The following DPP10 variants were observed in gnomAD, a reference collection of about 807,000 sequenced individuals.
The protein encoded by DPP10 is dipeptidyl peptidase like 10, also known as inactive dipeptidyl peptidase 10.
A neutral mutation model predicts 120.9 loss-of-function variants in DPP10; 33 were observed. That is an observed-to-expected ratio of 0.27 (90% CI 0.21 to 0.37). The LOEUF (loss-of-function observed/expected upper bound fraction) is 0.37. DPP10 is among the 10% of genes least tolerant of loss of function. The probability of loss-of-function intolerance (pLI) is 1.00; values close to 1 mark genes in which losing one functional copy is unlikely to be tolerated. For synonymous variants in DPP10, 337 were observed against 326.1 expected (o/e 1.03, Z -0.36); for missense variants, 816 against 942.8 (o/e 0.87, Z 1.76).
intron 1 of DPP10, among the ~76,000 whole-genome samples, chr2:115,251,760 A>G (rs2058762703): frequency 6.6e-6 from 1 of 152,218 alleles, no homozygotes; most frequent in Non-Finnish European, 1.5e-5. Context: ...GGCAGTGAGG[A>G]GTCATAAATA....
At chr2:115,222,613 C>T (rs1421738880) in intron 1 of DPP10, among the ~76,000 whole-genome samples, 2 of 151,962 alleles carry the variant, frequency 1.3e-5, no homozygotes, top group African/African-American at 4.8e-5. Flanking sequence ...TGCAAATTGC[C>T]CAGTCTGGGA....
At chr2:114,516,191 A>G (rs947112565) in intron 1 of DPP10, among the ~76,000 whole-genome samples, 2 of 152,160 alleles carry the variant, frequency 1.3e-5, no homozygotes, top group African/African-American at 4.8e-5. Context: ...GAGTCCCTAG[A>G]ACTGTTGCAT....
chr2:115,265,377 TTATTA>T (rs1406824800), intron 1 of DPP10, among the ~76,000 whole-genome samples: 1 of 151,746 alleles, frequency 6.6e-6, no homozygotes, highest in East Asian at 1.9e-4. Flanking sequence ...TAATAAACAG[TTATTA>T]TTAGGCACTC....
intron 1 of DPP10, chr2:115,234,421 G>T (rs2057895530): frequency 6.5e-6 from 1 of 154,874 alleles, no homozygotes; most frequent in African/African-American, 2.4e-5. Context: ...AGAAGGTAAA[G>T]ACTAATAAAC....
chr2:114,681,492 A>G (rs1699021942), intron 1 of DPP10, among the ~76,000 whole-genome samples: 2 of 151,972 alleles, frequency 1.3e-5, no homozygotes, highest in South Asian at 4.1e-4. Context: ...CATGAGGAAA[A>G]AAAAGAATTG....
At chr2:115,838,996 A>G (rs554543420) in intron 24 of DPP10, among the ~76,000 whole-genome samples, 1 of 152,352 alleles carries the variant, frequency 6.6e-6, no homozygotes, top group East Asian at 1.9e-4. Context: ...AGCAACAAAT[A>G]TCAATGGACT....
chr2:114,655,706 T>C (rs975756659), intron 1 of DPP10, among the ~76,000 whole-genome samples: 2 of 152,266 alleles, frequency 1.3e-5, no homozygotes, highest in East Asian at 1.9e-4. Flanking sequence ...GCATTCAGCT[T>C]ACATAATTAA....
intron 1 of DPP10, among the ~76,000 whole-genome samples, chr2:115,158,907 T>C (rs944371798): frequency 1.3e-5 from 2 of 152,132 alleles, no homozygotes; most frequent in Admixed American, 6.5e-5. Flanking sequence ...ACTATGTGCA[T>C]GTAAAACTAG....
intron 1 of DPP10, among the ~76,000 whole-genome samples, chr2:114,805,982 C>T (rs890651448): frequency 6.6e-6 from 1 of 152,168 alleles, no homozygotes; most frequent in African/African-American, 2.4e-5. Context: ...GGCTCAAAAC[C>T]TGGCTGAGTG....
chr2:115,349,429 A>G (rs2063880755), intron 3 of DPP10, among the ~76,000 whole-genome samples: 1 of 152,138 alleles, frequency 6.6e-6, no homozygotes, highest in Admixed American at 6.6e-5. Flanking sequence ...AAAAATATGT[A>G]AAAAGTGAAG....
At chr2:115,541,772 C>G (rs908001783) in intron 5 of DPP10, among the ~76,000 whole-genome samples, 2 of 151,662 alleles carry the variant, frequency 1.3e-5, no homozygotes, top group African/African-American at 4.8e-5. Context: ...ATGGATATAG[C>G]ACAGAACAAA....
intron 1 of DPP10, among the ~76,000 whole-genome samples, chr2:115,099,954 G>A (rs923442123): frequency 1.3e-5 from 2 of 152,226 alleles, no homozygotes; most frequent in Admixed American, 6.5e-5. Flanking sequence ...GTAGTAAGCA[G>A]TCTTTAGTCC....
At chr2:114,472,001 G>A (rs557975624) in intron 1 of DPP10, among the ~76,000 whole-genome samples, 56 of 152,296 alleles carry the variant, frequency 3.7e-4, no homozygotes, top group African/African-American at 1.2e-3. Context: ...AGTAAACTTC[G>A]ATTTCACTCA....
intron 11 of DPP10, among the ~76,000 whole-genome samples, chr2:115,758,965 A>C (rs1278335104): frequency 1.3e-5 from 2 of 152,216 alleles, no homozygotes; most frequent in Non-Finnish European, 1.5e-5. Flanking sequence ...AAGAGCTAAT[A>C]CTGTCAGTGT....
chr2:114,858,078 CTCCCGGGT>C (rs982214243), intron 1 of DPP10, among the ~76,000 whole-genome samples: 1 of 152,172 alleles, frequency 6.6e-6, no homozygotes, highest in African/African-American at 2.4e-5. Flanking sequence ...TAACCTCCAC[CTCCCGGGT>C]TCAAGCAGTT....
rs115217804 is a variant in DPP10, at chr2:114,617,385, A to T, written c.60+174547A>T. On this transcript the variant is annotated intron_variant, in intron 1 of 25. Coordinates refer to ENST00000410059, the MANE Select transcript of DPP10 (RefSeq NM_020868.6). ...TTTATAGCTTATATGTAAATAATTG[A>T]CTTGAAATTACATAAAAACAGATAC... 8.1e-3 allele frequency among the ~76,000 whole-genome samples: 1,227 copies of T among 152,294 alleles called. 18 individuals carry two copies. The highest frequency in any genetic ancestry group is 0.028 in the African/African-American group (1,174 of 41,582).
At chr2:114,846,230 T>C (rs1688537585) in intron 1 of DPP10, among the ~76,000 whole-genome samples, 1 of 152,146 alleles carries the variant, frequency 6.6e-6, no homozygotes, top group Non-Finnish European at 1.5e-5. Flanking sequence ...AGAACCCAGT[T>C]TCACAAATGC....
At chr2:114,816,443 G>A (rs919600873) in intron 1 of DPP10, among the ~76,000 whole-genome samples, 13 of 152,082 alleles carry the variant, frequency 8.5e-5, no homozygotes, top group African/African-American at 2.7e-4. Context: ...GGCCACCATC[G>A]TTTGCTGACC....
chr2:114,623,264 A>G (rs1481766557), intron 1 of DPP10, among the ~76,000 whole-genome samples: 1 of 152,114 alleles, frequency 6.6e-6, no homozygotes, highest in African/African-American at 2.4e-5. Flanking sequence ...AAAGATAAAT[A>G]TAATTGTAGA....
Sources: allele counts gnomAD v4.1 joint callset (sites outside exome capture counted in the v4.1 genomes callset), GRCh38; gene constraint gnomAD v4.1.1; transcripts MANE v1.5; gene names NCBI Gene and HGNC (gene_info 2026-07-23, HGNC 2026-07-21).